Variants in CCSER1 observed in about 807,000 individuals in gnomAD.
CCSER1 encodes coiled-coil serine rich protein 1.
In CCSER1, 41 loss-of-function variants were observed where a neutral mutation model predicts 82.0. That is an observed-to-expected ratio of 0.50 (90% CI 0.39 to 0.65). The LOEUF (loss-of-function observed/expected upper bound fraction) is 0.65. CCSER1 is among the 30% of genes least tolerant of loss of function. The probability of loss-of-function intolerance (pLI) is 0.00; values close to 1 mark genes in which losing one functional copy is unlikely to be tolerated. For missense variants in CCSER1, 1,119 were observed against 1,064.2 expected, an observed-to-expected ratio of 1.05 and a Z score of -0.72; for synonymous variants, 414 against 383.9, an observed-to-expected ratio of 1.08 and a Z score of -0.92.
At chr4:90,485,463 C>G (rs747142975) in intron 5 of CCSER1, among the ~76,000 whole-genome samples, 3 of 151,754 alleles carry the variant, frequency 2.0e-5, no homozygotes, top group Non-Finnish European at 4.4e-5. Context: ...TATTCTGTGT[C>G]ACTCACGCTG....
intron 10 of CCSER1, among the ~76,000 whole-genome samples, chr4:91,446,382 C>T (rs542346710): frequency 3.9e-5 from 6 of 151,970 alleles, no homozygotes; most frequent in South Asian, 2.1e-4. Flanking sequence ...TGAGAATTAA[C>T]CATTTACATG....
At chr4:90,940,936 A>G (rs10017490) in intron 9 of CCSER1, among the ~76,000 whole-genome samples, 40,023 of 152,038 alleles carry the variant, frequency 0.26, 6,339 homozygotes, top group East Asian at 0.46. Context: ...TGGGTTGTAG[A>G]ATAGCAGAAT....
chr4:90,952,057 T>A (rs1417794027), intron 9 of CCSER1, among the ~76,000 whole-genome samples: 1 of 151,956 alleles, frequency 6.6e-6, no homozygotes, highest in Non-Finnish European at 1.5e-5. Flanking sequence ...TAAATCACAT[T>A]ATGAGAAAAA....
intron 10 of CCSER1, among the ~76,000 whole-genome samples, chr4:91,198,796 A>T (rs979048141): frequency 1.3e-5 from 2 of 152,118 alleles, no homozygotes; most frequent in South Asian, 2.1e-4. Context: ...GTTTACAAGA[A>T]CTCTAGCCTG....
At chr4:90,321,974 C>G (rs936635946) in intron 3 of CCSER1, among the ~76,000 whole-genome samples, 1 of 152,006 alleles carries the variant, frequency 6.6e-6, no homozygotes, top group South Asian at 2.1e-4. Flanking sequence ...TGTGCAGAAG[C>G]TTTTTAGCTT....
At chr4:90,534,119 G>A (rs1404458227) in intron 5 of CCSER1, among the ~76,000 whole-genome samples, 1 of 152,126 alleles carries the variant, frequency 6.6e-6, no homozygotes, top group African/African-American at 2.4e-5. Context: ...ACAGAAATAT[G>A]TGCCAGCTCT....
chr4:91,104,309 A>G (rs964233844), intron 10 of CCSER1, among the ~76,000 whole-genome samples: 2 of 151,768 alleles, frequency 1.3e-5, no homozygotes, highest in Admixed American at 1.3e-4. Flanking sequence ...ATTTGTACCT[A>G]CTCCGTGTGC....
In CCSER1 at chr4:90,932,971, A is replaced by G. The variant is rs1730185075; in HGVS notation, c.2172+9524A>G. On this transcript the variant is annotated intron_variant, in intron 9 of 10. Transcript: ENST00000509176. ...GAAAGAAAGAAAGAAAGAAAGAAAG[A>G]AAGAAAGAAAGAGAAAGAAAGAAAG... Among the ~76,000 whole-genome samples the G allele has an allele frequency of 7.1e-5, 3 of 42,522 alleles. 1 individual carries two copies. Among genetic ancestry groups the G allele is most frequent in the African/African-American group, 3.5e-4 (2 of 5,786 alleles). 27.9% of individuals were successfully genotyped at this position (42,522 alleles called of 152,430 possible). A position where few individuals can be genotyped will look rare whatever the true frequency, so the allele number is the denominator to read the frequency against.
intron 10 of CCSER1, among the ~76,000 whole-genome samples, chr4:91,582,688 C>T (rs898326301): frequency 1.3e-5 from 2 of 151,342 alleles, no homozygotes; most frequent in Non-Finnish European, 3.0e-5. Context: ...GGCAAAAATG[C>T]AGTTACTTTT....
intron 10 of CCSER1, among the ~76,000 whole-genome samples, chr4:91,294,759 T>A (rs1259412783): frequency 1.3e-5 from 2 of 151,906 alleles, no homozygotes; most frequent in African/African-American, 4.8e-5. Context: ...TTAGGATTCA[T>A]CCAAGATAAT....
chr4:90,700,051 A>T (rs1324318276), intron 6 of CCSER1, among the ~76,000 whole-genome samples: 1 of 151,618 alleles, frequency 6.6e-6, no homozygotes, highest in Non-Finnish European at 1.5e-5. Flanking sequence ...GGTTTGTTAC[A>T]TATGTATACA....
chr4:91,556,090 A>G (rs1762385170), intron 10 of CCSER1, among the ~76,000 whole-genome samples: 1 of 151,326 alleles, frequency 6.6e-6, no homozygotes, highest in Non-Finnish European at 1.5e-5. Flanking sequence ...CATAACACAT[A>G]TGTGTTTCAT....
chr4:90,238,835 G>T (rs1746296534), intron 1 of CCSER1, among the ~76,000 whole-genome samples: 4 of 151,952 alleles, frequency 2.6e-5, no homozygotes, highest in Admixed American at 1.3e-4. Context: ...TATTAGCTTG[G>T]TGGATTTCTT....
At chr4:90,482,925 C>T (rs1027486428) in intron 5 of CCSER1, among the ~76,000 whole-genome samples, 2 of 152,092 alleles carry the variant, frequency 1.3e-5, no homozygotes, top group Admixed American at 6.5e-5. Context: ...CCTGGATATC[C>T]TTGTTAACTT....
chr4:90,236,747 T>C (rs72877708), intron 1 of CCSER1, among the ~76,000 whole-genome samples: 4,522 of 152,214 alleles, frequency 0.03, 237 homozygotes, highest in East Asian at 0.25. Flanking sequence ...AGAAATGTTA[T>C]TGTTTTTAGG....
In CCSER1 at chr4:90,469,669, T is replaced by C. The variant is rs562167733; in HGVS notation, c.1724+1315T>C. ...TGAAATCTAATAATCCATAAAGTTC[T>C]AGTTATGTTGACCATTCTATAGCTT... On this transcript the variant is annotated intron_variant, in intron 5 of 10. Coordinates refer to ENST00000509176, the MANE Select transcript of CCSER1 (RefSeq NM_001145065.2). Among the ~76,000 whole-genome samples, 26 of 152,232 alleles carry C rather than the reference T, an allele frequency of 1.7e-4. 1 individual carries two copies. In the South Asian group the frequency reaches 5.4e-3, roughly 32 times the overall value.
At chr4:90,548,727 G>GATATATATATAT (rs60880201) in intron 5 of CCSER1, among the ~76,000 whole-genome samples, 2 of 143,612 alleles carry the variant, frequency 1.4e-5, no homozygotes, top group African/African-American at 5.1e-5. Flanking sequence ...ATCATTTAAA[G>GATATATATATAT]ATATATATAT....
intron 9 of CCSER1, among the ~76,000 whole-genome samples, chr4:90,931,426 A>G (rs953379991): frequency 6.6e-6 from 1 of 152,166 alleles, no homozygotes; most frequent in African/African-American, 2.4e-5. Flanking sequence ...TATACTTGGT[A>G]CATATTAATA....
intron 10 of CCSER1, among the ~76,000 whole-genome samples, chr4:91,411,208 C>A (rs781587885): frequency 2.0e-5 from 3 of 151,504 alleles, no homozygotes; most frequent in Non-Finnish European, 4.4e-5. Context: ...AGAAAAGAGG[C>A]TTGGGTGTTA....
Sources: gnomAD v4.1 joint callset for allele counts (sites outside exome capture counted in the v4.1 genomes callset) on GRCh38, gnomAD v4.1.1 for gene constraint, MANE v1.5 for transcripts, NCBI Gene and HGNC (gene_info 2026-07-23, HGNC 2026-07-21) for gene names.